Variants in MLLT11 observed in about 807,000 individuals in gnomAD.
MLLT11 encodes protein AF1q.
In MLLT11, 1 loss-of-function variant was observed where a neutral mutation model predicts 5.3. The observed-to-expected ratio is 0.19, with a 90% confidence interval of 0.07 to 0.89. The LOEUF is 0.89. MLLT11 is among the 40% of genes least tolerant of loss of function. MLLT11 has a pLI of 0.67. For missense variants in MLLT11, 87 were observed against 107.3 expected (o/e 0.81, Z 0.83); for synonymous variants, 38 against 41.7 (o/e 0.91, Z 0.34).
At chr1:151,066,429 C>T (rs1676477368) in intron 1 of MLLT11, among the ~76,000 whole-genome samples, 1 of 152,090 alleles carries the variant, frequency 6.6e-6, no homozygotes, top group Non-Finnish European at 1.5e-5. Context: ...TGAGCCACCA[C>T]ACCTGGCTGA....
chr1:151,065,490 G>C (rs1285225778), intron 1 of MLLT11, among the ~76,000 whole-genome samples: 1 of 152,138 alleles, frequency 6.6e-6, no homozygotes, highest in Non-Finnish European at 1.5e-5. Flanking sequence ...TCCCCATTCA[G>C]AAGGCAATAA....
At chr1:151,066,239 G>A (rs1329720907) in intron 1 of MLLT11, among the ~76,000 whole-genome samples, 1 of 150,868 alleles carries the variant, frequency 6.6e-6, no homozygotes, top group African/African-American at 2.4e-5. Flanking sequence ...CTGGATTCCA[G>A]CAATTCTCGT....
intron 1 of MLLT11, among the ~76,000 whole-genome samples, chr1:151,066,777 T>A (rs1021382627): frequency 1.3e-5 from 2 of 151,500 alleles, no homozygotes; most frequent in Admixed American, 1.3e-4. Context: ...TACAAAACAT[T>A]GGCCGGGCGT....
chr1:151,067,624 C>A lies in MLLT11; in HGVS notation c.*127C>A. ...GTGTTGGTGGTGCTGATGAATCTGC[C>A]AGAGTTGAGTTCTATGTATTTATTT... On this transcript the variant is annotated 3_prime_UTR_variant, in exon 2 of 2. Coordinates refer to ENST00000368921, the MANE Select transcript of MLLT11 (RefSeq NM_006818.4). The A allele has an allele frequency of 9.5e-7, 1 of 1,049,464 alleles. No individual in the cohort carries two copies. The highest frequency in any genetic ancestry group is 1.4e-6 in the Non-Finnish European group (1 of 709,260). The allele number at this position is 1,049,464 out of a possible 1,614,324, so 65.0% of individuals were successfully genotyped here. A position where few individuals can be genotyped will look rare whatever the true frequency, so the allele number is the denominator to read the frequency against.
intron 1 of MLLT11, among the ~76,000 whole-genome samples, chr1:151,062,150 C>A (rs1363256315): frequency 2.0e-5 from 3 of 151,702 alleles, no homozygotes; most frequent in Non-Finnish European, 4.4e-5. Flanking sequence ...AAAATCTATT[C>A]TTCAGCAACT....
rs60002860 is a variant in MLLT11, at chr1:151,068,968, T to G, written c.*1471T>G. The stretch of plus-strand genomic sequence containing the variant: ...TAGACATTAGATGGTGAACTTCGCA[T>G]TGAACAGATAATGAAAGGGCAAAAT... On this transcript the variant is annotated 3_prime_UTR_variant, in exon 2 of 2. Coordinates refer to ENST00000368921, the MANE Select transcript of MLLT11 (RefSeq NM_006818.4). Among the ~76,000 whole-genome samples the G allele has an allele frequency of 4.6e-3, 693 of 152,282 alleles. 10 individuals carry two copies. Among genetic ancestry groups the G allele is most frequent in the African/African-American group, 0.016 (661 of 41,538 alleles).
In MLLT11 at chr1:151,069,204, G is replaced by C. The variant is rs1338576769; in HGVS notation, c.*1707G>C. On this transcript the variant is annotated 3_prime_UTR_variant, in exon 2 of 2. Transcript: ENST00000368921. ...CCAAACAGAATGTAAACGGGAATGA[G>C]ACAAGACTCCAACTCTCAAAAGAGA... Among the ~76,000 whole-genome samples the C allele has an allele frequency of 6.6e-6, 1 of 152,110 alleles. No individual in the cohort carries two copies. The highest frequency in any genetic ancestry group is 1.9e-4 in the East Asian group (1 of 5,202).
chr1:151,067,748 C>A lies in MLLT11; in HGVS notation c.*251C>A. ...GGTCACAGGGATTCCTCCTTTCCCCCCCAAATATTAACTCCAGAAACTAGG... is the reference window on the plus strand; with the variant it reads ...GGTCACAGGGATTCCTCCTTTCCCCACCAAATATTAACTCCAGAAACTAGG... On this transcript the variant is annotated 3_prime_UTR_variant, in exon 2 of 2. Coordinates refer to ENST00000368921, the MANE Select transcript of MLLT11 (RefSeq NM_006818.4). 3.7e-6 allele frequency: 2 copies of A among 537,542 alleles called. No homozygotes were observed. The highest frequency in any genetic ancestry group is 5.0e-5 in the South Asian group (2 of 40,388). The allele number at this position is 537,542 out of a possible 1,614,324, so 33.3% of individuals were successfully genotyped here.
Position 151,069,021 on chromosome 1 carries a change from G to C in MLLT11, c.*1524G>C, listed in dbSNP as rs1321161656. Among the ~76,000 whole-genome samples the C allele has an allele frequency of 6.6e-6, 1 of 152,146 alleles. No homozygotes were observed. The highest frequency in any genetic ancestry group is 6.6e-5 in the Admixed American group (1 of 15,266). On this transcript the variant is annotated 3_prime_UTR_variant, in exon 2 of 2. Transcript: ENST00000368921. ...ACTTAAAATTAGAAAAGTAGTTAGG[G>C]AGACAGGTACAACCACTCTTCTGCT...
At chr1:151,063,956 C>G (rs1024766329) in intron 1 of MLLT11, among the ~76,000 whole-genome samples, 1 of 152,186 alleles carries the variant, frequency 6.6e-6, no homozygotes, top group Non-Finnish European at 1.5e-5. Context: ...CATCAGTATA[C>G]TCGAGCACTG....
At chr1:151,063,071 G>T (rs587752090) in intron 1 of MLLT11, among the ~76,000 whole-genome samples, 3 of 152,204 alleles carry the variant, frequency 2.0e-5, no homozygotes, top group African/African-American at 7.2e-5. Context: ...AGTTCCCAGG[G>T]TTTATTTTGG....
Position 151,067,844 on chromosome 1 carries a change from C to T in MLLT11, c.*347C>T, listed in dbSNP as rs1301155821. The T allele has an allele frequency of 1.0e-5, 3 of 299,640 alleles. No individual in the cohort carries two copies. Among genetic ancestry groups the T allele is most frequent in the African/African-American group, 6.4e-5 (3 of 46,882 alleles). 18.6% of individuals were successfully genotyped at this position (299,640 alleles called of 1,614,324 possible). On this transcript the variant is annotated 3_prime_UTR_variant, in exon 2 of 2. Coordinates refer to ENST00000368921, the MANE Select transcript of MLLT11 (RefSeq NM_006818.4). ...GACTGATTTTTGACTCTATTATAAT[C>T]AGCTTCAGAGATTCCTTAAACCTTC... is the stretch of plus-strand genomic sequence containing the variant.
chr1:151,067,635 T>G lies in MLLT11; in HGVS notation c.*138T>G. ...GCTGATGAATCTGCCAGAGTTGAGT[T>G]CTATGTATTTATTTATCTATCTGTC... On this transcript the variant is annotated 3_prime_UTR_variant, in exon 2 of 2. Transcript: ENST00000368921. 1 of 956,086 alleles carries G rather than the reference T, an allele frequency of 1.0e-6. No homozygotes were observed. Among genetic ancestry groups the G allele is most frequent in the Non-Finnish European group, 1.6e-6 (1 of 628,158 alleles). 59.2% of individuals were successfully genotyped at this position (956,086 alleles called of 1,614,324 possible).
chr1:151,061,127 G>A (rs1008674437), intron 1 of MLLT11, among the ~76,000 whole-genome samples: 4 of 152,186 alleles, frequency 2.6e-5, no homozygotes, highest in Admixed American at 6.5e-5. Context: ...ATTCCATAGT[G>A]AAATCAGTAT....
At chr1:151,063,850 C>T (rs587677924) in intron 1 of MLLT11, among the ~76,000 whole-genome samples, 5 of 152,246 alleles carry the variant, frequency 3.3e-5, no homozygotes, top group African/African-American at 1.2e-4. Context: ...GATCCATTAA[C>T]GCATGGAAGA....
Position 151,067,522 on chromosome 1 carries a change from C to T in MLLT11, c.*25C>T, listed in dbSNP as rs773749191. On this transcript the variant is annotated 3_prime_UTR_variant, in exon 2 of 2. Transcript: ENST00000368921. Reference sequence around the variant, plus strand: ...AGGCCAAGACTTCTCTCTCCCATCACCTTGCCCTCATTGTCTTCCCTCTCA... The same window carrying T: ...AGGCCAAGACTTCTCTCTCCCATCATCTTGCCCTCATTGTCTTCCCTCTCA... The T allele has an allele frequency of 1.6e-5, 26 of 1,603,858 alleles. No homozygotes were observed. The highest frequency in any genetic ancestry group is 4.0e-4 in the Middle Eastern group (2 of 4,954).
chr1:151,061,846 C>G (rs140697823), intron 1 of MLLT11, among the ~76,000 whole-genome samples: 11 of 152,202 alleles, frequency 7.2e-5, no homozygotes, highest in Middle Eastern at 3.4e-3. Flanking sequence ...GCATGCATGT[C>G]TTTCTTGAAT....
At position 151,068,331 on chromosome 1, in the gene MLLT11, C is replaced by T. The variant is rs1676502828; in HGVS notation, c.*834C>T. ...ATTTTAGCCTTACCTCCTGCATTTG[C>T]AATACGTAATACTGATCAGTGGGCA... On this transcript the variant is annotated 3_prime_UTR_variant, in exon 2 of 2. Coordinates refer to ENST00000368921, the MANE Select transcript of MLLT11 (RefSeq NM_006818.4). 3 of 226,034 alleles carry T rather than the reference C, an allele frequency of 1.3e-5. No individual in the cohort carries two copies. In the East Asian group the frequency reaches 2.1e-4, roughly 16 times the overall value. The allele number at this position is 226,034 out of a possible 1,614,324, so 14.0% of individuals were successfully genotyped here. A position where few individuals can be genotyped will look rare whatever the true frequency, so the allele number is the denominator to read the frequency against.
rs1041608224 is a variant in MLLT11, at chr1:151,067,236, T to A, written c.12T>A (p.Pro4=). MRD[P]VSSQYSSFLF... ...CTTTCTAGGAAGCTATGAGGGACCC[T>A]GTGAGTAGCCAGTACAGTTCCTTTC... Residue 4 remains proline, a synonymous_variant, in exon 2 of 2, where the codon CCT becomes CCA. Coordinates refer to ENST00000368921, the MANE Select transcript of MLLT11 (RefSeq NM_006818.4). The A allele has an allele frequency of 1.2e-6, 2 of 1,613,796 alleles. No individual in the cohort carries two copies. Among genetic ancestry groups the A allele is most frequent in the African/African-American group, 2.7e-5 (2 of 74,996 alleles).
Sources: gnomAD v4.1 joint callset for allele counts (sites outside exome capture counted in the v4.1 genomes callset) on GRCh38, gnomAD v4.1.1 for gene constraint, MANE v1.5 for transcripts, NCBI Gene and HGNC (gene_info 2026-07-23, HGNC 2026-07-21) for gene names.